The following OMA1 variants were observed in gnomAD, a reference collection of about 807,000 sequenced individuals.
OMA1 encodes the protein OMA1 zinc metallopeptidase, also known as metalloendopeptidase OMA1, mitochondrial.
Under a neutral mutation model 30.9 loss-of-function variants are expected in OMA1, and 38 were observed. The observed-to-expected ratio is 1.23, with a 90% CI of 0.95 to 1.61. The LOEUF is 1.61. Ranked by LOEUF, OMA1 falls within the 40% of genes most tolerant of loss-of-function variation. The pLI is 0.00. For missense variants in OMA1, 461 were observed against 349.2 expected (o/e 1.32, Z -2.55); for synonymous variants, 173 against 121.9 (o/e 1.42, Z -2.76).
chr1:58,535,960 TACATAC>T (rs1646509880), intron 3 of OMA1, among the ~76,000 whole-genome samples: 1 of 151,600 alleles, frequency 6.6e-6, no homozygotes, highest in Admixed American at 6.6e-5. Flanking sequence ...GCTCTACTCT[TACATAC>T]TGTGTTAGTA....
chr1:58,534,251 T>C lies in OMA1; in HGVS notation c.810A>G (p.Leu270=). The change falls in exon 4 of 9, where the codon CTA becomes CTG. Residue 270 remains leucine, a synonymous_variant. Transcript: ENST00000371226. The part of the protein sequence containing the change: ...YLAVKEVLCH[L]IECNKDVPGI... ...CTGGAACATCTTTATTGCATTCAAT[T>C]AGATGACAAAGCACTTCTTTAACAG... is the stretch of plus-strand genomic sequence containing the variant. 1 of 871,814 alleles carries C rather than the reference T, an allele frequency of 1.1e-6. No homozygotes were observed. The highest frequency in any genetic ancestry group is 2.0e-6 in the Non-Finnish European group (1 of 501,468). The allele number at this position is 871,814 out of a possible 1,614,324, so 54.0% of individuals were successfully genotyped here. A position where few individuals can be genotyped will look rare whatever the true frequency, so the allele number is the denominator to read the frequency against.
At chr1:58,481,802 C>T (rs1172278429) in intron 8 of OMA1, among the ~76,000 whole-genome samples, 1 of 152,094 alleles carries the variant, frequency 6.6e-6, no homozygotes, top group Non-Finnish European at 1.5e-5. Flanking sequence ...AGGGCAGTTC[C>T]CCCTGCATAT....
chr1:58,528,425 T>C (rs61781813), intron 6 of OMA1, among the ~76,000 whole-genome samples: 12,303 of 152,298 alleles, frequency 0.081, 522 homozygotes, highest in Middle Eastern at 0.16. Context: ...TAACAGCTCA[T>C]ATTTATTGAG....
chr1:58,494,508 C>T (rs1390224306), intron 8 of OMA1, among the ~76,000 whole-genome samples: 1 of 152,004 alleles, frequency 6.6e-6, no homozygotes, highest in Non-Finnish European at 1.5e-5. Flanking sequence ...AAAATTTTTG[C>T]AATCTACTCA....
At chr1:58,517,926 C>T (rs1403374869) in intron 7 of OMA1, among the ~76,000 whole-genome samples, 1 of 151,726 alleles carries the variant, frequency 6.6e-6, no homozygotes, top group Non-Finnish European at 1.5e-5. Flanking sequence ...GTGGCTCACA[C>T]CTGTAATCCC....
chr1:58,488,872 T>C (rs570701136), intron 8 of OMA1, among the ~76,000 whole-genome samples: 59 of 152,244 alleles, frequency 3.9e-4, no homozygotes, highest in Non-Finnish European at 6.6e-4. Flanking sequence ...AGTGAGAACA[T>C]AACATTTTTA....
At chr1:58,538,738 C>T (rs879291741) in intron 2 of OMA1, 57 bp downstream of exon 2, 3 of 697,810 alleles carry the variant, frequency 4.3e-6, no homozygotes, top group African/African-American at 3.6e-5. Flanking sequence ...TACGTTAGCA[C>T]AAAATATTAA....
At chr1:58,533,266 G>T (rs909070823) in intron 5 of OMA1, among the ~76,000 whole-genome samples, 4 of 152,198 alleles carry the variant, frequency 2.6e-5, no homozygotes, top group Non-Finnish European at 5.9e-5. Context: ...TAACTGTAGT[G>T]AAAGGAAGAA....
In OMA1 at chr1:58,509,134, T is replaced by G. The variant is rs562505249; in HGVS notation, c.1216-2925A>C. On this transcript the variant is annotated intron_variant, in intron 7 of 8. Transcript: ENST00000371226. The stretch of plus-strand genomic sequence containing the variant: ...AAGAGGTTGCTGTTTTTTCCTAATG[T>G]GTAGATATCAACAATAAGAGTGAAA... Among the ~76,000 whole-genome samples the G allele has an allele frequency of 4.0e-4, 61 of 152,230 alleles. 1 individual carries two copies. Among genetic ancestry groups the G allele is most frequent in the African/African-American group, 1.4e-3 (57 of 41,534 alleles).
intron 7 of OMA1, among the ~76,000 whole-genome samples, chr1:58,520,228 G>A (rs6587823): frequency 0.98 from 148,821 of 152,238 alleles, 72,831 homozygotes; most frequent in East Asian, 1. Flanking sequence ...AGACCTGCAC[G>A]TGTACCCTGG....
At chr1:58,505,541 A>C (rs1645974408) in intron 8 of OMA1, among the ~76,000 whole-genome samples, 1 of 152,152 alleles carries the variant, frequency 6.6e-6, no homozygotes, top group Admixed American at 6.5e-5. Flanking sequence ...CAGAAAGAAA[A>C]GCCAGAGAGC....
At chr1:58,542,645 G>A (rs1646640020) in intron 1 of OMA1, 1 of 152,148 alleles carries the variant, frequency 6.6e-6, no homozygotes. Flanking sequence ...TCTTCTTCTA[G>A]AAGTCAAACT....
chr1:58,544,535 G>C (rs1265378407), intron 1 of OMA1, among the ~76,000 whole-genome samples: 1 of 152,102 alleles, frequency 6.6e-6, no homozygotes, highest in Non-Finnish European at 1.5e-5. Context: ...AATTTCTACG[G>C]GATGTATTAT....
chr1:58,499,890 A>G (rs1645878405), intron 8 of OMA1, among the ~76,000 whole-genome samples: 1 of 152,206 alleles, frequency 6.6e-6, no homozygotes, highest in African/African-American at 2.4e-5. Context: ...ACACATCAGT[A>G]TTCTGACAGG....
intron 8 of OMA1, among the ~76,000 whole-genome samples, chr1:58,499,273 A>C (rs1645856980): frequency 7.0e-6 from 1 of 143,686 alleles, no homozygotes; most frequent in South Asian, 2.4e-4. Flanking sequence ...AAAAGTATGA[A>C]GTTTTGCCAG....
chr1:58,509,403 T>A (rs1646037706), intron 7 of OMA1, among the ~76,000 whole-genome samples: 1 of 150,088 alleles, frequency 6.7e-6, no homozygotes, highest in African/African-American at 2.4e-5. Flanking sequence ...GAACAGCCTA[T>A]GGGTCAAGGA....
chr1:58,536,374 G>A, intron 3 of OMA1, 139 bp downstream of exon 3: 4 of 610,754 alleles, frequency 6.5e-6, no homozygotes, highest in Non-Finnish European at 8.8e-6. Context: ...TGAAAGGTCT[G>A]AGGCCTTCGG....
intron 8 of OMA1, among the ~76,000 whole-genome samples, chr1:58,505,381 C>T (rs1395916705): frequency 2.0e-5 from 3 of 152,072 alleles, no homozygotes; most frequent in African/African-American, 7.2e-5. Context: ...GAGCGTGTAA[C>T]GTGGCTCAGA....
At chr1:58,515,613 A>T (rs575899158) in intron 7 of OMA1, among the ~76,000 whole-genome samples, 27 of 152,210 alleles carry the variant, frequency 1.8e-4, no homozygotes, top group African/African-American at 5.5e-4. Flanking sequence ...CAACATACCT[A>T]TTAAATAAGA....
Sources: allele counts gnomAD v4.1 joint callset (sites outside exome capture counted in the v4.1 genomes callset), GRCh38; gene constraint gnomAD v4.1.1; transcripts MANE v1.5; gene names NCBI Gene and HGNC (gene_info 2026-07-23, HGNC 2026-07-21).